MTMR10: variants seen among roughly 807,000 people sequenced by gnomAD.
The protein encoded by MTMR10 is myotubularin related protein 10.
MTMR10 carries 56 observed loss-of-function variants against 88.1 expected under a neutral mutation model. The ratio of observed to expected loss-of-function variants is 0.64; its 90% CI spans 0.51 to 0.79. The LOEUF is 0.79. Ranked by LOEUF, MTMR10 falls within the 30% of genes least tolerant of loss-of-function variation. The pLI, the probability that MTMR10 is intolerant of heterozygous loss-of-function variation, is 0.00. For synonymous variants in MTMR10, 380 were observed against 340.9 expected (o/e 1.11, Z -1.26); for missense variants, 883 against 924.7 (o/e 0.95, Z 0.58).
At chr15:30,943,380 C>T (rs559825521) in intron 14 of MTMR10, 1 of 984,802 alleles carries the variant, frequency 1.0e-6, no homozygotes, top group East Asian at 1.1e-4. Context: ...ACTAGAAAGT[C>T]TTAAACATGT....
In MTMR10 at chr15:30,940,452, G is replaced by T; in HGVS notation, c.*1018C>A. 1 of 985,296 alleles carries T rather than the reference G, an allele frequency of 1.0e-6. No individual in the cohort carries two copies. Among genetic ancestry groups the T allele is most frequent in the African/African-American group, 1.7e-5 (1 of 57,340 alleles). The allele number at this position is 985,296 out of a possible 1,614,324, so 61.0% of individuals were successfully genotyped here. On this transcript the variant is annotated 3_prime_UTR_variant, in exon 16 of 16. Coordinates refer to ENST00000435680, the MANE Select transcript of MTMR10 (RefSeq NM_017762.3). ...TTCCTAAGCATTAGGAACTATGAGA[G>T]AAGGACATCTGTGCAGGTGCCCAAC...
the MTMR10 span, among the ~76,000 whole-genome samples, chr15:30,921,690 C>CTTA: frequency 6.6e-6 from 1 of 152,110 alleles, no homozygotes; most frequent in African/African-American, 2.4e-5. Flanking sequence ...TGGGGTAAAT[C>CTTA]ATTCCATATT....
intron 2 of MTMR10, among the ~76,000 whole-genome samples, chr15:30,979,549 A>G (rs2030408055): frequency 6.6e-6 from 1 of 151,592 alleles, no homozygotes; most frequent in African/African-American, 2.4e-5. Context: ...ACAGAGCTAG[A>G]CTCCATCTCA....
At chr15:30,927,319 A>T in the MTMR10 span, 4 of 985,404 alleles carry the variant, frequency 4.1e-6, no homozygotes, top group South Asian at 1.4e-4. Context: ...TCCTAGCTCC[A>T]CTCCTGGCTG....
chr15:30,984,547 C>T (rs546936060), intron 2 of MTMR10, among the ~76,000 whole-genome samples: 2 of 152,236 alleles, frequency 1.3e-5, no homozygotes, highest in South Asian at 4.2e-4. Flanking sequence ...AACAACCCAA[C>T]TGAGGAAATA....
rs1290930826 is a variant in MTMR10, at chr15:30,940,580, T to G, written c.*890A>C. The G allele has an allele frequency of 1.0e-6, 1 of 985,394 alleles. No individual in the cohort carries two copies. Among genetic ancestry groups the G allele is most frequent in the Non-Finnish European group, 1.2e-6 (1 of 830,050 alleles). 61.0% of individuals were successfully genotyped at this position (985,394 alleles called of 1,614,324 possible). A position where few individuals can be genotyped will look rare whatever the true frequency, so the allele number is the denominator to read the frequency against. On this transcript the variant is annotated 3_prime_UTR_variant, in exon 16 of 16. Coordinates refer to ENST00000435680, the MANE Select transcript of MTMR10 (RefSeq NM_017762.3). ...AGCACGCCTCCCAGCAAGCCTTGTT[T>G]GTTTTTGAGGGCGAGTTTTGGCATA... is the stretch of plus-strand genomic sequence containing the variant.
chr15:30,923,515 A>T, the MTMR10 span, among the ~76,000 whole-genome samples: 4 of 152,148 alleles, frequency 2.6e-5, no homozygotes, highest in Non-Finnish European at 1.5e-5. Context: ...TACTGGCCAT[A>T]GCTCTTGTTA....
At chr15:30,983,055 G>A (rs2030689939) in intron 2 of MTMR10, among the ~76,000 whole-genome samples, 2 of 152,238 alleles carry the variant, frequency 1.3e-5, no homozygotes, top group African/African-American at 4.8e-5. Flanking sequence ...AGGTTCTGAA[G>A]TTTTCAGGGA....
downstream of MTMR10, among the ~76,000 whole-genome samples, chr15:30,937,605 C>T (rs965756332): frequency 6.6e-6 from 1 of 151,826 alleles, no homozygotes; most frequent in South Asian, 2.1e-4. Flanking sequence ...GTGTGCGCCA[C>T]CACGCCTGGC....
intron 9 of MTMR10, among the ~76,000 whole-genome samples, chr15:30,955,159 T>C (rs906733165): frequency 9.2e-5 from 14 of 152,172 alleles, no homozygotes; most frequent in African/African-American, 3.4e-4. Context: ...GTAAACTTTG[T>C]TTCCCTCTTA....
chr15:30,981,600 TC>T (rs1367259544), intron 2 of MTMR10, among the ~76,000 whole-genome samples: 3 of 152,254 alleles, frequency 2.0e-5, no homozygotes, highest in Non-Finnish European at 4.4e-5. Context: ...GGAAAGGGTA[TC>T]CACAGATTCT....
rs1211185838 is a variant in MTMR10 at position 30,947,314 on chromosome 15, A to C, written c.1378-14T>G. 6.2e-7 allele frequency: 1 copy of C among 1,611,178 alleles called. No individual in the cohort carries two copies. The highest frequency in any genetic ancestry group is 2.2e-5 in the East Asian group (1 of 44,844). ...AAATAAAGGAGACTGGCAAATACAAAGAGACAATGGGATCATTTAATGTTA... is the reference window on the plus strand; with the variant it reads ...AAATAAAGGAGACTGGCAAATACAACGAGACAATGGGATCATTTAATGTTA... On this transcript the variant is annotated splice_polypyrimidine_tract_variant and intron_variant, in intron 13 of 15. Coordinates refer to ENST00000435680, the MANE Select transcript of MTMR10 (RefSeq NM_017762.3).
chr15:30,935,777 C>T (rs1314994772), downstream of MTMR10, among the ~76,000 whole-genome samples: 2 of 152,132 alleles, frequency 1.3e-5, no homozygotes, highest in African/African-American at 4.8e-5. Flanking sequence ...AGTTATTTTT[C>T]AATACTTTAA....
chr15:30,924,585 C>T, the MTMR10 span, among the ~76,000 whole-genome samples: 1 of 152,156 alleles, frequency 6.6e-6, no homozygotes, highest in Non-Finnish European at 1.5e-5. Context: ...GACTCTGAAT[C>T]GCCTTGGGAA....
chr15:30,964,546 C>T lies in MTMR10; in HGVS notation c.565+3374G>A, dbSNP rs2063449911. ...TCTTTTATATGTTCTATATCATCTT[C>T]AGTTAGAGCTCATTACAGAATGTGT... On this transcript the variant is annotated intron_variant, in intron 6 of 15. Coordinates refer to ENST00000435680, the MANE Select transcript of MTMR10 (RefSeq NM_017762.3). 2.0e-5 allele frequency among the ~76,000 whole-genome samples: 3 copies of T among 152,218 alleles called. No homozygotes were observed. In the South Asian group the frequency reaches 6.2e-4, roughly 31 times the overall value.
rs1260967466 is a variant in MTMR10, at chr15:30,958,911, C to T, written c.887G>A (p.Arg296Gln). The change falls in exon 9 of 16, where the codon CGA becomes CAA. Residue 296 changes from arginine to glutamine, a missense_variant. Transcript: ENST00000435680. ...CAGCACGTCTTTGATGAGGGCCATT[C>T]GCACAAGAGCACTGCCGTTAGAGTG... Reference protein sequence around the residue: ...WSHSNGSALVRMALIKDVLQQ... With the variant: ...WSHSNGSALVQMALIKDVLQQ... The T allele has an allele frequency of 4.3e-6, 7 of 1,613,840 alleles. No homozygotes were observed. The highest frequency in any genetic ancestry group is 1.1e-5 in the South Asian group (1 of 91,082).
At chr15:30,984,208 G>C (rs575068384) in intron 2 of MTMR10, among the ~76,000 whole-genome samples, 14 of 152,304 alleles carry the variant, frequency 9.2e-5, no homozygotes, top group Non-Finnish European at 1.2e-4. Context: ...TTTATTTATG[G>C]AGGTTCATGA....
chr15:30,922,381 A>G, the MTMR10 span: 1 of 1,574,634 alleles, frequency 6.4e-7, no homozygotes. Flanking sequence ...CATATCTGAA[A>G]CACCTTTTCA....
intron 5 of MTMR10, among the ~76,000 whole-genome samples, chr15:30,968,812 A>T (rs1325300961): frequency 1.3e-5 from 2 of 152,146 alleles, no homozygotes; most frequent in African/African-American, 4.8e-5. Context: ...CCTTTGGAGG[A>T]GCTCCATATA....
Sources: gnomAD v4.1 joint callset for allele counts (sites outside exome capture counted in the v4.1 genomes callset) on GRCh38, gnomAD v4.1.1 for gene constraint, MANE v1.5 for transcripts, NCBI Gene and HGNC (gene_info 2026-07-23, HGNC 2026-07-21) for gene names.